MGAM: variants seen among roughly 807,000 people sequenced by gnomAD.
MGAM encodes alpha-1,4-glucosidase.
MGAM carries 253 observed loss-of-function variants against 358.8 expected under a neutral mutation model. That is an observed-to-expected ratio of 0.71 (90% confidence interval 0.64 to 0.78). The LOEUF is 0.78. Ranked by LOEUF, MGAM falls within the 30% of genes least tolerant of loss-of-function variation. The pLI is 0.00. For missense variants in MGAM, 3,080 were observed against 3,432.6 expected, an observed-to-expected ratio of 0.90 and a Z score of 2.57; for synonymous variants, 1,105 against 1,227.1, an observed-to-expected ratio of 0.90 and a Z score of 2.08.
At chr7:142,052,013 G>A (rs1022160912) in intron 24 of MGAM, among the ~76,000 whole-genome samples, 1 of 152,052 alleles carries the variant, frequency 6.6e-6, no homozygotes, top group Non-Finnish European at 1.5e-5. Flanking sequence ...AGGAGTCAGG[G>A]TAGAAAAGAA....
chr7:141,999,161 T>C (rs1191723391), intron 1 of MGAM, among the ~76,000 whole-genome samples: 1 of 152,182 alleles, frequency 6.6e-6, no homozygotes, highest in African/African-American at 2.4e-5. Flanking sequence ...TTGTAGGAAC[T>C]TAATAAATAA....
rs1318921925 is a variant in MGAM, at chr7:142,045,562, A to G, written c.2499-2223A>G. Among the ~76,000 whole-genome samples the G allele has an allele frequency of 0.028, 105 of 3,786 alleles. 9 individuals are homozygous for G. In the Non-Finnish European group the frequency reaches 0.36, roughly 13 times the overall value. The allele number at this position is 3,786 out of a possible 152,430, so 2.5% of individuals were successfully genotyped here. ...TATTATATATACATACAATATATGA[A>G]TATATAATATATATTATATATACAT... is the stretch of plus-strand genomic sequence containing the variant. On this transcript the variant is annotated intron_variant, in intron 21 of 70. Transcript: ENST00000475668.
In MGAM at chr7:142,064,367, C is replaced by G. The variant is rs769258304; in HGVS notation, c.4346-17C>G. On this transcript the variant is annotated splice_polypyrimidine_tract_variant and intron_variant, in intron 36 of 70. Coordinates refer to ENST00000475668, the MANE Select transcript of MGAM (RefSeq NM_001365693.1). ...GAATCAGGGCTGGGTTTCACCTCGC[C>G]AGTTCTTCCTCCTCAGATTTGGAGT... 1.6e-4 allele frequency: 263 copies of G among 1,601,886 alleles called. 1 individual carries two copies. The highest frequency in any genetic ancestry group is 2.1e-4 in the Non-Finnish European group (246 of 1,174,328).
Position 142,056,883 on chromosome 7 carries a change from C to T in MGAM, c.3634C>T (p.Leu1212=). 6.2e-7 allele frequency: 1 copy of T among 1,613,864 alleles called. No individual in the cohort carries two copies. The highest frequency in any genetic ancestry group is 8.5e-7 in the Non-Finnish European group (1 of 1,179,844). Residue 1212 remains leucine (L), a synonymous_variant, in exon 30 of 71, where the codon CTG becomes TTG. Transcript: ENST00000475668. ...GACATACCGCACCACAGGGGGAGTT[C>T]TGGACTTTTATGTGTTCTTGGGGCC... ...ALTYRTTGGV[L]DFYVFLGPTP...
rs986940771 is a variant in MGAM at position 142,050,098 on chromosome 7, T to A, written c.2588-137T>A. On this transcript the variant is annotated intron_variant, in intron 22 of 70. Transcript: ENST00000475668. The stretch of plus-strand genomic sequence containing the variant: ...AAGAAATGTGATACACATATACAAT[T>A]GAAAATTATTCATCCATAAGGAAAA... 6.6e-6 allele frequency: 5 copies of A among 753,684 alleles called. No individual in the cohort carries two copies. The African/African-American group carries it at 8.7e-5, about 13-fold the overall frequency. The allele number at this position is 753,684 out of a possible 1,614,324, so 46.7% of individuals were successfully genotyped here.
At chr7:142,062,330 T>C (rs1175148963) in intron 34 of MGAM, among the ~76,000 whole-genome samples, 1 of 152,214 alleles carries the variant, frequency 6.6e-6, no homozygotes, top group Non-Finnish European at 1.5e-5. Context: ...ATCATCCACG[T>C]GTATAGGAAG....
chr7:142,013,431 A>G (rs1805747728), intron 3 of MGAM, among the ~76,000 whole-genome samples: 1 of 152,112 alleles, frequency 6.6e-6, no homozygotes, highest in Non-Finnish European at 1.5e-5. Flanking sequence ...TCTTTCCTGA[A>G]TGCTGTAGTT....
At chr7:142,053,155 T>C (rs1811179032) in intron 26 of MGAM, among the ~76,000 whole-genome samples, 171 bp downstream of exon 26, 1 of 152,082 alleles carries the variant, frequency 6.6e-6, no homozygotes, top group Non-Finnish European at 1.5e-5. Context: ...TGCCCTAATT[T>C]TCATTTGGAA....
chr7:142,100,572 C>T (rs191269471), intron 67 of MGAM, among the ~76,000 whole-genome samples: 85 of 152,318 alleles, frequency 5.6e-4, no homozygotes, highest in African/African-American at 2.0e-3. Context: ...ATTTTAAGAG[C>T]CTTAAAGCAG....
chr7:142,026,518 A>T (rs1453388356), intron 8 of MGAM, among the ~76,000 whole-genome samples: 1 of 152,204 alleles, frequency 6.6e-6, no homozygotes, highest in African/African-American at 2.4e-5. Context: ...CTTCTATACC[A>T]TCTTAATTAA....
intron 63 of MGAM, 84 bp from the exon 64 acceptor site, chr7:142,095,481 A>T (rs3936103): frequency 6.3e-7 from 1 of 1,580,462 alleles, no homozygotes; most frequent in Non-Finnish European, 8.6e-7. Context: ...AGTGATCTTC[A>T]ATTGGAGTAT....
At chr7:142,055,479 G>A in intron 27 of MGAM, 79 bp from the exon 28 acceptor site, 4 of 1,555,036 alleles carry the variant, frequency 2.6e-6, no homozygotes, top group African/African-American at 1.4e-5. Flanking sequence ...CAAGTGTTCT[G>A]TTGTCCTTGA....
At chr7:142,014,803 C>T (rs1554455477) in intron 3 of MGAM, among the ~76,000 whole-genome samples, 1 of 151,926 alleles carries the variant, frequency 6.6e-6, no homozygotes, top group African/African-American at 2.4e-5. Flanking sequence ...ATTTATTTTG[C>T]TATAAAACTG....
rs566801899 is a variant in MGAM, at chr7:142,039,371, G to C, written c.2317-744G>C. Reference sequence around the variant, plus strand: ...CCTGCCTCAGCCTCCAAAGTGCTGAGATTACAGGTGTGAGTCACCGCGCTT... The same window carrying C: ...CCTGCCTCAGCCTCCAAAGTGCTGACATTACAGGTGTGAGTCACCGCGCTT... On this transcript the variant is annotated intron_variant, in intron 19 of 70. Transcript: ENST00000475668. Among the ~76,000 whole-genome samples, 11 of 152,146 alleles carry C rather than the reference G, an allele frequency of 7.2e-5. 1 individual carries two copies. Among genetic ancestry groups the C allele is most frequent in the African/African-American group, 2.6e-4 (11 of 41,510 alleles).
chr7:142,042,950 T>A (rs1355485736), intron 21 of MGAM, among the ~76,000 whole-genome samples: 1 of 63,500 alleles, frequency 1.6e-5, no homozygotes, highest in African/African-American at 6.2e-5. Flanking sequence ...ATATATATTA[T>A]ATATACATAT....
chr7:142,012,838 C>T (rs1000721645), intron 3 of MGAM, among the ~76,000 whole-genome samples: 2 of 152,108 alleles, frequency 1.3e-5, no homozygotes, highest in African/African-American at 4.8e-5. Flanking sequence ...ACTGACTGCA[C>T]CCTCTTCCCC....
At chr7:142,051,768 A>G (rs747608174) in intron 24 of MGAM, among the ~76,000 whole-genome samples, 11 of 152,180 alleles carry the variant, frequency 7.2e-5, no homozygotes, top group Non-Finnish European at 1.3e-4. Context: ...CATATTTCAT[A>G]TAACCCATAA....
At chr7:142,029,569 G>A (rs1554462494) in intron 10 of MGAM, among the ~76,000 whole-genome samples, 5 of 152,168 alleles carry the variant, frequency 3.3e-5, no homozygotes, top group Non-Finnish European at 7.3e-5. Flanking sequence ...GGTGTGAGAT[G>A]TGAGAGGGAG....
intron 24 of MGAM, among the ~76,000 whole-genome samples, 199 bp from the exon 25 acceptor site, chr7:142,052,095 G>C (rs1279358741): frequency 6.6e-6 from 1 of 152,118 alleles, no homozygotes; most frequent in Non-Finnish European, 1.5e-5. Flanking sequence ...TTGTGCTAGA[G>C]GGGAGACATT....
Sources: gnomAD v4.1 joint callset for allele counts (sites outside exome capture counted in the v4.1 genomes callset) on GRCh38, gnomAD v4.1.1 for gene constraint, MANE v1.5 for transcripts, NCBI Gene and HGNC (gene_info 2026-07-23, HGNC 2026-07-21) for gene names.